Variants in PIP4K2C observed in about 807,000 individuals in gnomAD.
The protein encoded by PIP4K2C is phosphatidylinositol 5-phosphate 4-kinase type-2 gamma.
Under a neutral mutation model 45.0 loss-of-function variants are expected in PIP4K2C, and 21 were observed. The ratio of observed to expected loss-of-function variants is 0.47; its 90% CI spans 0.33 to 0.67. PIP4K2C has a LOEUF of 0.67. PIP4K2C is among the 30% of genes least tolerant of loss of function. PIP4K2C has a pLI of 0.02. For missense variants in PIP4K2C, 456 were observed against 542.8 expected, an observed-to-expected ratio of 0.84 and a Z score of 1.59; for synonymous variants, 201 against 204.8, an observed-to-expected ratio of 0.98 and a Z score of 0.16.
chr12:57,597,341 G>C (rs559062519), intron 4 of PIP4K2C, among the ~76,000 whole-genome samples: 53 of 152,276 alleles, frequency 3.5e-4, no homozygotes, highest in Admixed American at 5.2e-4. Flanking sequence ...GGAGAACTGA[G>C]AGTTAAGACA....
At chr12:57,599,357 T>C (rs1427305121) in intron 5 of PIP4K2C, 43 bp from the exon 6 acceptor site, 1 of 1,613,762 alleles carries the variant, frequency 6.2e-7, no homozygotes. Flanking sequence ...CTGACTGTTC[T>C]TTTAGCCACT....
rs1019794108 is a variant in PIP4K2C, at chr12:57,602,135, C to T, written c.*529C>T. 3.6e-5 allele frequency: 6 copies of T among 165,788 alleles called. No homozygotes were observed. The highest frequency in any genetic ancestry group is 2.8e-4 in the Admixed American group (5 of 17,812). The allele number at this position is 165,788 out of a possible 1,614,324, so 10.3% of individuals were successfully genotyped here. A position where few individuals can be genotyped will look rare whatever the true frequency, so the allele number is the denominator to read the frequency against. ...ACTCAAGATACTACAGATGTGGGTG[C>T]AGGCATGCACACACACGATGGAATA... On this transcript the variant is annotated 3_prime_UTR_variant, in exon 10 of 10. Transcript: ENST00000354947.
chr12:57,595,788 A>G (rs1883164967), intron 3 of PIP4K2C, 100 bp from the exon 4 acceptor site: 4 of 1,295,502 alleles, frequency 3.1e-6, no homozygotes, highest in Non-Finnish European at 4.4e-6. Context: ...TGAATCTCCT[A>G]CCCCAGGGAT....
At position 57,601,022 on chromosome 12, in the gene PIP4K2C, TG is replaced by T; in HGVS notation, c.1028del (p.Gly343AlafsTer87). The T allele has an allele frequency of 6.2e-7, 1 of 1,614,046 alleles. No homozygotes were observed. The highest frequency in any genetic ancestry group is 8.5e-7 in the Non-Finnish European group (1 of 1,180,022). On this transcript the variant is annotated frameshift_variant, in exon 8 of 10. Transcript: ENST00000354947. LOFTEE classifies it high-confidence loss of function. ...IGGYIHSHRP[L>X]GPGEFESFID... ...GGCTACATCCATTCCCATCGGCCCC[TG>T]GGCCCAGGAGAGTTTGAGTCCTTCA... is the stretch of plus-strand genomic sequence containing the variant.
chr12:57,600,917 C>A lies in PIP4K2C; in HGVS notation c.920C>A (p.Ser307Ter). The A allele has an allele frequency of 1.9e-6, 3 of 1,614,218 alleles. No individual in the cohort carries two copies. Among genetic ancestry groups the A allele is most frequent in the Non-Finnish European group, 2.5e-6 (3 of 1,180,048 alleles). ...GAAGCGCCCGTGCGGGAGGATGAGT[C>A]AGAGGTGGATGGGGACTGCAGCCTG... ...EEEAPVREDE[S>*]EVDGDCSLTG... The change falls in exon 8 of 10, where the codon TCA (serine) becomes TAA (stop). Residue 307 changes from serine (S) to a stop codon, truncating the protein, a stop_gained. Coordinates refer to ENST00000354947, the MANE Select transcript of PIP4K2C (RefSeq NM_024779.5). LOFTEE classifies it high-confidence loss of function.
chr12:57,593,328 G>A (rs1037784210), intron 1 of PIP4K2C, among the ~76,000 whole-genome samples: 2 of 152,178 alleles, frequency 1.3e-5, no homozygotes, highest in Non-Finnish European at 1.5e-5. Context: ...CCTGGGGGCC[G>A]AGGAGAGCAT....
chr12:57,599,299 T>G, intron 5 of PIP4K2C, 88 bp downstream of exon 5: 1 of 1,606,448 alleles, frequency 6.2e-7, no homozygotes, highest in East Asian at 2.2e-5. Flanking sequence ...ATGATTCCTT[T>G]TAAGGGAAAG....
At chr12:57,593,972 T>A in intron 1 of PIP4K2C, 53 bp from the exon 2 acceptor site, 1 of 1,374,670 alleles carries the variant, frequency 7.3e-7, no homozygotes, top group South Asian at 1.2e-5. Flanking sequence ...AGTGTATGGG[T>A]AGCTCTCCAC....
Position 57,600,920 on chromosome 12 carries a change from A to C in PIP4K2C, c.923A>C (p.Glu308Ala). The C allele has an allele frequency of 6.2e-7, 1 of 1,614,188 alleles. No homozygotes were observed. The highest frequency in any genetic ancestry group is 8.5e-7 in the Non-Finnish European group (1 of 1,180,028). ...GCGCCCGTGCGGGAGGATGAGTCAGAGGTGGATGGGGACTGCAGCCTGACT... is the reference window on the plus strand; with the variant it reads ...GCGCCCGTGCGGGAGGATGAGTCAGCGGTGGATGGGGACTGCAGCCTGACT... ...EEAPVREDES[E>A]VDGDCSLTGP... Residue 308 changes from glutamate to alanine, a missense_variant, in exon 8 of 10, where the codon GAG becomes GCG. Coordinates refer to ENST00000354947, the MANE Select transcript of PIP4K2C (RefSeq NM_024779.5).
Position 57,600,428 on chromosome 12 carries a change from A to G in PIP4K2C, c.804A>G (p.Arg268=). ...EKKIFLEKLK[R]DVEFLVQLKI... ...AAATATTTCTGGAGAAGCTGAAGAG[A>G]GATGTGGAGGTGATGATTGGGTGCT... The change falls in exon 7 of 10, where the codon AGA becomes AGG. Residue 268 remains arginine (R), a synonymous_variant. Coordinates refer to ENST00000354947, the MANE Select transcript of PIP4K2C (RefSeq NM_024779.5). 6.3e-7 allele frequency: 1 copy of G among 1,597,612 alleles called. No individual in the cohort carries two copies. The highest frequency in any genetic ancestry group is 8.6e-7 in the Non-Finnish European group (1 of 1,165,414).
rs1331084071 is a variant in PIP4K2C, at chr12:57,601,090, G to A, written c.1081+12G>A. The A allele has an allele frequency of 5.6e-6, 9 of 1,611,616 alleles. No individual in the cohort carries two copies. The highest frequency in any genetic ancestry group is 4.5e-5 in the East Asian group (2 of 44,846). ...CCGGAGTGCTGAAGGTGAGAGAACCGGGACAATTTAAGGGTGGAGAGGGGA... is the reference window on the plus strand; with the variant it reads ...CCGGAGTGCTGAAGGTGAGAGAACCAGGACAATTTAAGGGTGGAGAGGGGA... On this transcript the variant is annotated intron_variant, in intron 8 of 9. Transcript: ENST00000354947.
chr12:57,597,063 G>A (rs1478898184), intron 4 of PIP4K2C, among the ~76,000 whole-genome samples: 1 of 152,228 alleles, frequency 6.6e-6, no homozygotes, highest in Non-Finnish European at 1.5e-5. Context: ...ATGTAGTACT[G>A]TGGAAATAGG....
chr12:57,596,131 G>A, intron 4 of PIP4K2C, 100 bp downstream of exon 4: 1 of 1,374,978 alleles, frequency 7.3e-7, no homozygotes, highest in Non-Finnish European at 1.0e-6. Context: ...AAAACTCATT[G>A]GAAGAGAGAA....
At chr12:57,596,506 A>G (rs1883203038) in intron 4 of PIP4K2C, among the ~76,000 whole-genome samples, 1 of 151,444 alleles carries the variant, frequency 6.6e-6, no homozygotes, top group African/African-American at 2.4e-5. Flanking sequence ...AAAAGATTAA[A>G]AAAAAAAAGA....
chr12:57,595,266 A>T, intron 3 of PIP4K2C, 44 bp downstream of exon 3: 9 of 1,199,888 alleles, frequency 7.5e-6, no homozygotes, highest in Non-Finnish European at 1.1e-5. Flanking sequence ...TCTCCCCAGC[A>T]ACTGAGGAGT....
Position 57,602,415 on chromosome 12 carries a change from C to T in PIP4K2C, c.*809C>T, listed in dbSNP as rs1275059863. ...GCTGCTCTTCACCAGAACCTCACACCTCTCCTGGGACTGGAACCCTTCAGT... is the reference window on the plus strand; with the variant it reads ...GCTGCTCTTCACCAGAACCTCACACTTCTCCTGGGACTGGAACCCTTCAGT... On this transcript the variant is annotated 3_prime_UTR_variant, in exon 10 of 10. Transcript: ENST00000354947. The T allele has an allele frequency of 6.6e-6, 1 of 152,268 alleles. No homozygotes were observed. The highest frequency in any genetic ancestry group is 1.5e-5 in the Non-Finnish European group (1 of 68,076). The allele number at this position is 152,268 out of a possible 1,614,324, so 9.4% of individuals were successfully genotyped here.
rs1883485789 is a variant in PIP4K2C at position 57,602,547 on chromosome 12, C to T, written c.*941C>T. 1 of 152,138 alleles carries T rather than the reference C, an allele frequency of 6.6e-6. No homozygotes were observed. Among genetic ancestry groups the T allele is most frequent in the South Asian group, 2.1e-4 (1 of 4,826 alleles). 9.4% of individuals were successfully genotyped at this position (152,138 alleles called of 1,614,324 possible). On this transcript the variant is annotated 3_prime_UTR_variant, in exon 10 of 10. Transcript: ENST00000354947. ...GCCTAGCCATCCCCAAGGTTTATTTCCAGAAGAAAGGAATATCTCTACTTG... is the reference window on the plus strand; with the variant it reads ...GCCTAGCCATCCCCAAGGTTTATTTTCAGAAGAAAGGAATATCTCTACTTG...
At position 57,600,866 on chromosome 12, in the gene PIP4K2C, T is replaced by A. The variant is rs1424993633; in HGVS notation, c.869T>A (p.Ile290Asn). 6.2e-7 allele frequency: 1 copy of A among 1,614,068 alleles called. No individual in the cohort carries two copies. The highest frequency in any genetic ancestry group is 8.5e-7 in the Non-Finnish European group (1 of 1,180,050). Reference sequence around the variant, plus strand: ...AGCCTTCTGCTAGGCATCCACGACATCATTCGGGGCTCTGAACCAGAGGAG... The same window carrying A: ...AGCCTTCTGCTAGGCATCCACGACAACATTCGGGGCTCTGAACCAGAGGAG... Reference protein sequence around the residue: ...DYSLLLGIHDIIRGSEPEEEA... With the variant: ...DYSLLLGIHDNIRGSEPEEEA... Residue 290 changes from isoleucine to asparagine, a missense_variant, in exon 8 of 10, where the codon ATC becomes AAC. This residue lies in a region of PIP4K2C where 421 missense variants were observed against 473.1 expected (regional missense o/e 0.89). Coordinates refer to ENST00000354947, the MANE Select transcript of PIP4K2C (RefSeq NM_024779.5).
Position 57,602,655 on chromosome 12 carries a change from C to G in PIP4K2C, c.*1049C>G, listed in dbSNP as rs1395883453. Reference sequence around the variant, plus strand: ...TCCCTGGATGTGTGTACCTAGCACACTTCCTTCTCCCACCCCTTTTTCCAG... The same window carrying G: ...TCCCTGGATGTGTGTACCTAGCACAGTTCCTTCTCCCACCCCTTTTTCCAG... On this transcript the variant is annotated 3_prime_UTR_variant, in exon 10 of 10. Transcript: ENST00000354947. The G allele has an allele frequency of 2.0e-5, 3 of 152,506 alleles. No homozygotes were observed. The highest frequency in any genetic ancestry group is 4.4e-5 in the Non-Finnish European group (3 of 68,158). 9.4% of individuals were successfully genotyped at this position (152,506 alleles called of 1,614,324 possible).
Sources: allele counts gnomAD v4.1 joint callset (sites outside exome capture counted in the v4.1 genomes callset), GRCh38; gene constraint gnomAD v4.1.1; regional missense constraint gnomAD v4.1.1; transcripts MANE v1.5; gene names NCBI Gene and HGNC (gene_info 2026-07-23, HGNC 2026-07-21).